Variants in PPFIBP2 observed in about 807,000 individuals in gnomAD.
PPFIBP2 encodes the protein PPFIB scaffold protein 2.
A neutral mutation model predicts 118.3 loss-of-function variants in PPFIBP2; 118 were observed. That is an observed-to-expected ratio of 1.00 (90% CI 0.86 to 1.16). The LOEUF is 1.16. PPFIBP2 is among the 50% of genes most tolerant of loss of function. The pLI is 0.00. For synonymous variants in PPFIBP2, 414 were observed against 397.4 expected (o/e 1.04, Z -0.50); for missense variants, 1,195 against 1,073.1 (o/e 1.11, Z -1.59).
At chr11:7,594,382 A>T (rs1354031044) in intron 4 of PPFIBP2, among the ~76,000 whole-genome samples, 3 of 152,166 alleles carry the variant, frequency 2.0e-5, no homozygotes, top group African/African-American at 7.2e-5. Context: ...TCTTCATTAT[A>T]AAATAATTGG....
the PPFIBP2 span, chr11:7,665,405 C>A: frequency 6.9e-6 from 11 of 1,602,662 alleles, no homozygotes; most frequent in South Asian, 1.0e-4. Flanking sequence ...CTGGGTATAA[C>A]CCAGCTTCTC....
At position 7,648,400 on chromosome 11, in the gene PPFIBP2, C is replaced by T; in HGVS notation, c.1660C>T (p.Pro554Ser). 1 of 1,613,232 alleles carries T rather than the reference C, an allele frequency of 6.2e-7. No individual in the cohort carries two copies. Among genetic ancestry groups the T allele is most frequent in the Non-Finnish European group, 8.5e-7 (1 of 1,179,238 alleles). ...SKGQKSDANA[P>S]FAQWSTERVC... ...CCTGCTTCCCAGTGACGCCAATGCC[C>T]CCTTTGCCCAGTGGAGCACAGAGCG... The change falls in exon 18 of 24, where the codon CCC becomes TCC. Residue 554 changes from proline (P) to serine (S), a missense_variant. Pro to Ser is a moderately conservative substitution (Grantham distance 74, BLOSUM62 -1). Transcript: ENST00000299492.
intron 2 of PPFIBP2, among the ~76,000 whole-genome samples, chr11:7,555,814 G>C (rs1853550934): frequency 6.6e-6 from 1 of 152,186 alleles, no homozygotes; most frequent in African/African-American, 2.4e-5. Flanking sequence ...GAAAGAGTTT[G>C]GATAAGGCTG....
chr11:7,614,126 T>A (rs533411984), intron 6 of PPFIBP2, among the ~76,000 whole-genome samples: 25 of 152,368 alleles, frequency 1.6e-4, no homozygotes, highest in Admixed American at 2.0e-4. Flanking sequence ...AGAGTTTTTT[T>A]ATTCTTGTTT....
chr11:7,517,666 A>G (rs1849345735), intron 1 of PPFIBP2, among the ~76,000 whole-genome samples: 1 of 152,178 alleles, frequency 6.6e-6, no homozygotes. Flanking sequence ...TTGTCCATCA[A>G]TTCCCACAAC....
chr11:7,555,958 T>C lies in PPFIBP2; in HGVS notation c.64+6419T>C, dbSNP rs189773469. 1.5e-3 allele frequency among the ~76,000 whole-genome samples: 234 copies of C among 152,344 alleles called. 1 individual carries two copies. The highest frequency in any genetic ancestry group is 5.5e-3 in the African/African-American group (230 of 41,574). On this transcript the variant is annotated intron_variant, in intron 2 of 23. Transcript: ENST00000299492. ...TGTGGACAGGTTTTAATTTTTTAAT[T>C]GAGTCTTGGCAAGTTAAGTTTTTCT...
intron 5 of PPFIBP2, among the ~76,000 whole-genome samples, chr11:7,607,660 T>C (rs1372208145): frequency 1.3e-5 from 2 of 152,116 alleles, no homozygotes; most frequent in Non-Finnish European, 2.9e-5. Context: ...TTTTTTTTTT[T>C]CCCTGAGATC....
At chr11:7,526,344 T>C (rs1204378966) in intron 1 of PPFIBP2, among the ~76,000 whole-genome samples, 1 of 151,920 alleles carries the variant, frequency 6.6e-6, no homozygotes, top group Non-Finnish European at 1.5e-5. Flanking sequence ...CCCAAGTGAG[T>C]GAAGTGGGAT....
At chr11:7,523,298 G>A (rs1435910312) in intron 1 of PPFIBP2, among the ~76,000 whole-genome samples, 1 of 152,156 alleles carries the variant, frequency 6.6e-6, no homozygotes, top group Non-Finnish European at 1.5e-5. Context: ...CATGGACGCT[G>A]ACACAGTGGT....
At chr11:7,552,718 C>G (rs760675642) in intron 2 of PPFIBP2, among the ~76,000 whole-genome samples, 2 of 152,130 alleles carry the variant, frequency 1.3e-5, no homozygotes, top group African/African-American at 2.4e-5. Context: ...ATCCCTTTTA[C>G]GTTCCCAGGG....
intron 1 of PPFIBP2, among the ~76,000 whole-genome samples, chr11:7,528,709 A>G (rs982987530): frequency 1.3e-5 from 2 of 152,226 alleles, no homozygotes; most frequent in African/African-American, 4.8e-5. Context: ...GAGCCTGCCC[A>G]TGCAGGGGTG....
At chr11:7,610,645 C>A in intron 6 of PPFIBP2, 1 of 458,332 alleles carries the variant, frequency 2.2e-6, no homozygotes, top group Non-Finnish European at 3.9e-6. Context: ...GCTTTATCTG[C>A]CCTCAAACTG....
downstream of PPFIBP2, among the ~76,000 whole-genome samples, chr11:7,660,191 T>A (rs1854860392): frequency 7.8e-6 from 1 of 127,904 alleles, no homozygotes; most frequent in African/African-American, 2.5e-5. Context: ...CTGTGTTGAA[T>A]AGGAGTGGTG....
At chr11:7,586,802 G>C (rs1176341972) in intron 3 of PPFIBP2, among the ~76,000 whole-genome samples, 3 of 152,134 alleles carry the variant, frequency 2.0e-5, no homozygotes, top group Non-Finnish European at 4.4e-5. Flanking sequence ...AGTTCAGCTG[G>C]GCCAAATGAG....
chr11:7,647,193 G>A (rs1853220680), intron 17 of PPFIBP2, among the ~76,000 whole-genome samples: 1 of 152,098 alleles, frequency 6.6e-6, no homozygotes, highest in South Asian at 2.1e-4. Context: ...TAATATGTTA[G>A]GGGTACTTTG....
intron 5 of PPFIBP2, chr11:7,605,874 CTG>C: frequency 6.8e-7 from 1 of 1,473,066 alleles, no homozygotes; most frequent in Non-Finnish European, 8.9e-7. Flanking sequence ...CAAGTGGTGA[CTG>C]TGCTACTGAG....
At chr11:7,580,855 C>T (rs150135784) in intron 3 of PPFIBP2, among the ~76,000 whole-genome samples, 6 of 152,294 alleles carry the variant, frequency 3.9e-5, no homozygotes, top group Middle Eastern at 3.4e-3. Context: ...CTATTAACTG[C>T]TATTGGTGAT....
intron 5 of PPFIBP2, chr11:7,598,288 AT>A (rs1191333488): frequency 1.6e-5 from 5 of 306,050 alleles, no homozygotes; most frequent in Admixed American, 8.8e-5. Flanking sequence ...TTAATATTAT[AT>A]TTTTCCCATT....
At chr11:7,653,890 A>C, downstream of PPFIBP2, 1 of 923,618 alleles carries the variant, frequency 1.1e-6, no homozygotes, top group Non-Finnish European at 1.4e-6. Context: ...CATGCTCAGG[A>C]TTCACCAGGG....
Sources: allele counts gnomAD v4.1 joint callset (sites outside exome capture counted in the v4.1 genomes callset), GRCh38; gene constraint gnomAD v4.1.1; transcripts MANE v1.5; gene names NCBI Gene and HGNC (gene_info 2026-07-23, HGNC 2026-07-21).